The following SPMIP2 variants were observed in gnomAD, a reference collection of about 807,000 sequenced individuals.
The protein encoded by SPMIP2 is protein SPMIP2.
At chr4:159,020,051 C>T in the SPMIP2 span, among the ~76,000 whole-genome samples, 5 of 151,302 alleles carry the variant, frequency 3.3e-5, no homozygotes, top group Admixed American at 6.6e-5. Context: ...ACCTGGGAGT[C>T]GGAGGTTGCA....
the SPMIP2 span, among the ~76,000 whole-genome samples, chr4:158,935,414 C>T: frequency 2.0e-5 from 3 of 152,262 alleles, no homozygotes; most frequent in African/African-American, 4.8e-5. Flanking sequence ...ATACCCACGA[C>T]ACTTGGGGTA....
chr4:159,067,973 A>G, the SPMIP2 span, among the ~76,000 whole-genome samples: 2 of 152,226 alleles, frequency 1.3e-5, no homozygotes, highest in Non-Finnish European at 2.9e-5. Context: ...ATCATCTCAC[A>G]CCAGTTAGAA....
chr4:158,896,566 G>A, the SPMIP2 span, among the ~76,000 whole-genome samples: 12 of 152,278 alleles, frequency 7.9e-5, no homozygotes, highest in African/African-American at 2.9e-4. Flanking sequence ...TATTTATAAT[G>A]TCGACGTTTA....
the SPMIP2 span, among the ~76,000 whole-genome samples, chr4:158,903,541 C>G: frequency 7.7e-3 from 1,179 of 152,228 alleles, 21 homozygotes; most frequent in African/African-American, 0.027. Flanking sequence ...GCTTTTATTC[C>G]CCTTTGCACT....
the SPMIP2 span, among the ~76,000 whole-genome samples, chr4:158,921,577 G>A: frequency 6.6e-6 from 1 of 152,194 alleles, no homozygotes; most frequent in African/African-American, 2.4e-5. Flanking sequence ...TGTCATTATT[G>A]TAAGTTTTCT....
the SPMIP2 span, among the ~76,000 whole-genome samples, chr4:158,921,222 A>C: frequency 6.6e-6 from 1 of 152,154 alleles, no homozygotes; most frequent in African/African-American, 2.4e-5. Flanking sequence ...GCAGATCACC[A>C]GAGGTCCGGA....
At chr4:158,961,295 G>T in the SPMIP2 span, among the ~76,000 whole-genome samples, 1 of 152,022 alleles carries the variant, frequency 6.6e-6, no homozygotes, top group Admixed American at 6.6e-5. Context: ...AGTTCAGAAT[G>T]ACTTTCCTTA....
At chr4:159,003,627 T>G in the SPMIP2 span, among the ~76,000 whole-genome samples, 1 of 152,190 alleles carries the variant, frequency 6.6e-6, no homozygotes, top group South Asian at 2.1e-4. Flanking sequence ...GTGAGAATGA[T>G]TTTACACAGG....
At chr4:158,973,210 A>C in the SPMIP2 span, 1 of 1,613,718 alleles carries the variant, frequency 6.2e-7, no homozygotes, top group Non-Finnish European at 8.5e-7. Context: ...GGCCTCCATA[A>C]ATATCTGAGA....
At chr4:158,927,126 TAC>T in the SPMIP2 span, among the ~76,000 whole-genome samples, 2 of 152,350 alleles carry the variant, frequency 1.3e-5, no homozygotes, top group Middle Eastern at 3.4e-3. Flanking sequence ...TGTTGTTAGG[TAC>T]ACATTTATTT....
chr4:159,069,061 G>C, the SPMIP2 span, among the ~76,000 whole-genome samples: 3 of 152,168 alleles, frequency 2.0e-5, no homozygotes, highest in African/African-American at 7.2e-5. Context: ...CCAGCACTTT[G>C]GGAGGCTGAG....
chr4:159,063,145 A>G, the SPMIP2 span, among the ~76,000 whole-genome samples: 1 of 152,182 alleles, frequency 6.6e-6, no homozygotes, highest in Non-Finnish European at 1.5e-5. Context: ...TACAGTTTCA[A>G]TGCTTTCATT....
At chr4:158,912,644 G>C in the SPMIP2 span, among the ~76,000 whole-genome samples, 2 of 152,158 alleles carry the variant, frequency 1.3e-5, no homozygotes, top group Admixed American at 1.3e-4. Context: ...AAATATGTAA[G>C]AACATTTGTT....
At chr4:159,063,475 G>A in the SPMIP2 span, among the ~76,000 whole-genome samples, 5 of 151,890 alleles carry the variant, frequency 3.3e-5, no homozygotes, top group East Asian at 3.9e-4. Context: ...ACTTGAACCC[G>A]GGAAGCAGAA....
chr4:158,965,225 A>G, the SPMIP2 span, among the ~76,000 whole-genome samples: 1 of 147,922 alleles, frequency 6.8e-6, no homozygotes, highest in Non-Finnish European at 1.5e-5. Flanking sequence ...TCCTTATTTC[A>G]TTCTATAATT....
chr4:159,002,761 T>C, the SPMIP2 span, among the ~76,000 whole-genome samples: 114 of 137,302 alleles, frequency 8.3e-4, 1 homozygote, highest in Non-Finnish European at 1.3e-3. Flanking sequence ...ATGATACATA[T>C]CACTGCACAC....
At chr4:159,026,434 A>T in the SPMIP2 span, 3 of 959,008 alleles carry the variant, frequency 3.1e-6, no homozygotes, top group South Asian at 2.6e-5. Context: ...GAAGAAAAGC[A>T]CAATAACAAG....
the SPMIP2 span, among the ~76,000 whole-genome samples, chr4:158,930,521 T>A: frequency 2.2e-5 from 3 of 137,034 alleles, no homozygotes; most frequent in East Asian, 2.3e-4. Flanking sequence ...TTTTTTTTTT[T>A]AAGAGATTCT....
chr4:158,899,708 A>AT, the SPMIP2 span, among the ~76,000 whole-genome samples: 1 of 151,980 alleles, frequency 6.6e-6, no homozygotes, highest in Non-Finnish European at 1.5e-5. Flanking sequence ...CCCCTTTATC[A>AT]TTTTTTGTTG....
Sources: gnomAD v4.1 joint callset for allele counts (sites outside exome capture counted in the v4.1 genomes callset) on GRCh38, gnomAD v4.1.1 for gene constraint, MANE v1.5 for transcripts, NCBI Gene and HGNC (gene_info 2026-07-23, HGNC 2026-07-21) for gene names.